ASTN2: variants seen among roughly 807,000 people sequenced by gnomAD.
ASTN2 encodes astrotactin-2.
Under a neutral mutation model 139.8 loss-of-function variants are expected in ASTN2, and 54 were observed. The ratio of observed to expected loss-of-function variants is 0.39; its 90% CI spans 0.31 to 0.48. The LOEUF is 0.48. ASTN2 is among the 20% of genes least tolerant of loss of function. The pLI is 0.95. For synonymous variants in ASTN2, 756 were observed against 719.5 expected (o/e 1.05, Z -0.81); for missense variants, 1,565 against 1,725.1 (o/e 0.91, Z 1.64).
intron 4 of ASTN2, among the ~76,000 whole-genome samples, chr9:117,115,832 T>C (rs1829372412): frequency 6.6e-6 from 1 of 151,938 alleles, no homozygotes; most frequent in Non-Finnish European, 1.5e-5. Flanking sequence ...GAAACTATCC[T>C]GGCTAACATG....
intron 5 of ASTN2, among the ~76,000 whole-genome samples, chr9:117,059,427 C>T (rs150483644): frequency 9.4e-4 from 143 of 152,130 alleles, no homozygotes; most frequent in African/African-American, 3.2e-3. Context: ...GCCTGACCAA[C>T]ATGGTGAAAC....
rs150477945 is a variant in ASTN2 at position 116,698,081 on chromosome 9, G to C, written c.2806+27690C>G. On this transcript the variant is annotated intron_variant, in intron 16 of 22. Coordinates refer to ENST00000313400, the MANE Select transcript of ASTN2 (RefSeq NM_001365068.1). The surrounding 1 kb of genome is among the most constrained non-coding windows in gnomAD (Gnocchi z 4.4). ...GGCGTCTGCCCCGGCAATTCTGCCG[G>C]AGCTGTGGTTTGGTGTTATGTGAGC... is the stretch of plus-strand genomic sequence containing the variant. 200 of 1,614,020 alleles carry C rather than the reference G, an allele frequency of 1.2e-4. No individual in the cohort carries two copies. The highest frequency in any genetic ancestry group is 1.6e-4 in the Non-Finnish European group (184 of 1,180,054).
chr9:116,775,122 A>C (rs906371442), intron 13 of ASTN2, among the ~76,000 whole-genome samples: 3 of 152,102 alleles, frequency 2.0e-5, no homozygotes, highest in Non-Finnish European at 4.4e-5. Context: ...TCAGGTCGGA[A>C]AAGACTATCT....
chr9:117,133,120 T>C (rs1829864009), intron 4 of ASTN2, among the ~76,000 whole-genome samples: 1 of 152,220 alleles, frequency 6.6e-6, no homozygotes, highest in Non-Finnish European at 1.5e-5. Context: ...TACAACAATA[T>C]TTTTCAATTG....
At chr9:117,412,636 A>G (rs1157626953) in intron 1 of ASTN2, among the ~76,000 whole-genome samples, 1 of 152,220 alleles carries the variant, frequency 6.6e-6, no homozygotes, top group Non-Finnish European at 1.5e-5. Context: ...AAGTCAGGCC[A>G]TACCCAAGGA....
chr9:116,753,075 C>G (rs1178260078), intron 13 of ASTN2, among the ~76,000 whole-genome samples: 1 of 152,168 alleles, frequency 6.6e-6, no homozygotes, highest in East Asian at 1.9e-4. Flanking sequence ...TTTATGTGAT[C>G]GTATTCATAC....
intron 3 of ASTN2, among the ~76,000 whole-genome samples, chr9:117,174,674 C>G (rs1429732177): frequency 6.6e-6 from 1 of 151,894 alleles, no homozygotes; most frequent in Non-Finnish European, 1.5e-5. Context: ...ATACACTACA[C>G]AATCAGGTTA....
intron 10 of ASTN2, among the ~76,000 whole-genome samples, chr9:116,872,188 T>A (rs952076313): frequency 3.9e-5 from 6 of 151,928 alleles, no homozygotes; most frequent in African/African-American, 1.5e-4. Context: ...GGTTTTGAAC[T>A]TCTGACCTCA....
Position 117,391,014 on chromosome 9 carries a change from C to T in ASTN2, c.442+23483G>A, listed in dbSNP as rs150201150. 1.4e-4 allele frequency among the ~76,000 whole-genome samples: 21 copies of T among 152,292 alleles called. No homozygotes were observed. The South Asian group carries it at 3.5e-3, about 26-fold the overall frequency. Reference sequence around the variant, plus strand: ...CCAAGTATAATTGGTCCTCCATATCCATAGGCTTTGCATCCATAGATTTAC... The same window carrying T: ...CCAAGTATAATTGGTCCTCCATATCTATAGGCTTTGCATCCATAGATTTAC... On this transcript the variant is annotated intron_variant, in intron 1 of 22. Coordinates refer to ENST00000313400, the MANE Select transcript of ASTN2 (RefSeq NM_001365068.1).
At chr9:116,516,406 T>G (rs371625117) in intron 19 of ASTN2, among the ~76,000 whole-genome samples, 1 of 152,204 alleles carries the variant, frequency 6.6e-6, no homozygotes, top group Non-Finnish European at 1.5e-5. Flanking sequence ...ATAAATTCCT[T>G]CTACATCATA....
intron 10 of ASTN2, among the ~76,000 whole-genome samples, chr9:116,953,425 A>G (rs1835619185): frequency 1.3e-5 from 2 of 152,200 alleles, no homozygotes; most frequent in African/African-American, 4.8e-5. Context: ...TGCAGGTACC[A>G]GGTGTTGCTG....
At chr9:116,965,920 G>C (rs537599983) in intron 10 of ASTN2, among the ~76,000 whole-genome samples, 7 of 152,256 alleles carry the variant, frequency 4.6e-5, no homozygotes, top group Admixed American at 1.3e-4. Context: ...CTGTGAAATG[G>C]GAGATAAAAA....
chr9:116,782,319 C>T (rs1354936338), intron 13 of ASTN2, among the ~76,000 whole-genome samples: 1 of 152,138 alleles, frequency 6.6e-6, no homozygotes, highest in African/African-American at 2.4e-5. Context: ...CCCCAAGTAC[C>T]AGTTCAGCGA....
intron 1 of ASTN2, among the ~76,000 whole-genome samples, chr9:117,311,493 T>C (rs1741043621): frequency 6.6e-6 from 1 of 152,072 alleles, no homozygotes; most frequent in Admixed American, 6.5e-5. Flanking sequence ...GAAGGGAGCA[T>C]AGCCCATCCA....
At chr9:116,990,428 G>T (rs1040616339) in intron 7 of ASTN2, among the ~76,000 whole-genome samples, 1 of 148,958 alleles carries the variant, frequency 6.7e-6, no homozygotes, top group African/African-American at 2.4e-5. Context: ...CACCATGCTC[G>T]GCTAGTTTTC....
chr9:117,338,593 C>T (rs10983626), intron 1 of ASTN2, among the ~76,000 whole-genome samples: 10,661 of 152,136 alleles, frequency 0.07, 520 homozygotes, highest in Non-Finnish European at 0.098. Flanking sequence ...TAGAAGAAAA[C>T]GATCAATCAT....
intron 4 of ASTN2, among the ~76,000 whole-genome samples, chr9:117,131,783 GTA>G (rs1303543344): frequency 6.6e-6 from 1 of 152,098 alleles, no homozygotes; most frequent in African/African-American, 2.4e-5. Context: ...CTGAACCAAT[GTA>G]TACCTTACAT....
In ASTN2 at chr9:116,699,800, T is replaced by C. The variant is rs968100197; in HGVS notation, c.2806+25971A>G. On this transcript the variant is annotated intron_variant, in intron 16 of 22. Transcript: ENST00000313400. This position sits in a 1 kb window ranked among gnomAD's most constrained non-coding sequence, Gnocchi z 4.2. ...GCACATGCAGAATAGACTCAGCCTATGTCCTGATTCCAGCTGGGTAGTTCT... is the reference window on the plus strand; with the variant it reads ...GCACATGCAGAATAGACTCAGCCTACGTCCTGATTCCAGCTGGGTAGTTCT... 7 of 1,549,368 alleles carry C rather than the reference T, an allele frequency of 4.5e-6. No individual in the cohort carries two copies. In the East Asian group the frequency reaches 1.4e-4, roughly 30 times the overall value.
intron 10 of ASTN2, among the ~76,000 whole-genome samples, chr9:116,872,713 G>A (rs988563149): frequency 6.6e-6 from 1 of 152,144 alleles, no homozygotes; most frequent in African/African-American, 2.4e-5. Flanking sequence ...GAGACATAAA[G>A]GATGGGTGGA....
Sources: gnomAD v4.1 joint callset for allele counts (sites outside exome capture counted in the v4.1 genomes callset) on GRCh38, gnomAD v4.1.1 for gene constraint, Gnocchi (gnomAD v3.1) non-coding constraint, MANE v1.5 for transcripts, NCBI Gene and HGNC (gene_info 2026-07-23, HGNC 2026-07-21) for gene names.